ZNF536: variants seen among roughly 807,000 people sequenced by gnomAD.
ZNF536 encodes zinc finger protein 536.
ZNF536 carries 13 observed loss-of-function variants against 84.5 expected under a neutral mutation model. That is an observed-to-expected ratio of 0.15 (90% confidence interval 0.10 to 0.24). The LOEUF (loss-of-function observed/expected upper bound fraction) is 0.24. Among genes scored for constraint, ZNF536 ranks in the 10% least tolerant of loss-of-function variants. The pLI is 1.00. For missense variants in ZNF536, 1,536 were observed against 1,747.5 expected, an observed-to-expected ratio of 0.88 and a Z score of 2.16; for synonymous variants, 811 against 742.5, an observed-to-expected ratio of 1.09 and a Z score of -1.50.
chr19:30,495,055 C>T (rs1270877694), intron 2 of ZNF536, among the ~76,000 whole-genome samples: 1 of 150,938 alleles, frequency 6.6e-6, no homozygotes, highest in African/African-American at 2.4e-5. Flanking sequence ...AAAAGCCTAA[C>T]TGTGAGTTAG....
At chr19:30,504,560 C>T (rs1440512588) in intron 2 of ZNF536, among the ~76,000 whole-genome samples, 1 of 128,878 alleles carries the variant, frequency 7.8e-6, no homozygotes, top group Non-Finnish European at 1.6e-5. Flanking sequence ...CACCCTTCCT[C>T]CTTCCCTCTC....
chr19:30,282,893 T>G (rs2045501196), intron 1 of ZNF536, among the ~76,000 whole-genome samples: 1 of 152,162 alleles, frequency 6.6e-6, no homozygotes, highest in African/African-American at 2.4e-5. Context: ...AGGTTTTGCT[T>G]TATGTCTCAA....
At chr19:30,423,140 T>TCCAC (rs2051053902) in intron 1 of ZNF536, among the ~76,000 whole-genome samples, 1 of 143,436 alleles carries the variant, frequency 7.0e-6, no homozygotes, top group Non-Finnish European at 1.5e-5. Context: ...CATCCATCCA[T>TCCAC]CCATCCATCC....
Position 30,283,742 on chromosome 19 carries a change from G to GA in ZNF536, c.-189-330_-189-329insA, listed in dbSNP as rs1568303082. Among the ~76,000 whole-genome samples the GA allele has an allele frequency of 1.3e-3, 190 of 146,746 alleles. 2 individuals carry two copies. Among genetic ancestry groups the GA allele is most frequent in the African/African-American group, 4.3e-3 (173 of 40,046 alleles). Reference sequence around the variant, plus strand: ...CAGCGAGAGAGAAAGAGAGAGAGAGGGAGAGAGAGAGAGAGAGAGAGCCCT... The same window carrying GA: ...CAGCGAGAGAGAAAGAGAGAGAGAGGAGAGAGAGAGAGAGAGAGAGAGCCCT... On this transcript the variant is annotated intron_variant, in intron 1 of 5. Transcript: ENST00000585628.
chr19:30,321,275 G>A (rs769492029), intron 2 of ZNF536, among the ~76,000 whole-genome samples: 50 of 152,330 alleles, frequency 3.3e-4, no homozygotes, highest in Non-Finnish European at 5.6e-4. Flanking sequence ...TGGTAGAAAG[G>A]GGCCGGTGCG....
chr19:30,490,015 A>C (rs556288970), intron 2 of ZNF536, among the ~76,000 whole-genome samples: 2 of 152,216 alleles, frequency 1.3e-5, no homozygotes, highest in African/African-American at 2.4e-5. Flanking sequence ...CATGTGCTTC[A>C]AACCTACATG....
At chr19:30,700,213 C>CTTTCTTTCTTTCTTTCTTTCTTTCT (rs1452244836) in intron 1 of ZNF536, among the ~76,000 whole-genome samples, 1 of 102,676 alleles carries the variant, frequency 9.7e-6, no homozygotes, top group Admixed American at 1.0e-4. Context: ...TCTTTCTTTC[C>CTTTCTTTCTTTCTTTCTTTCTTTCT]TTCTTTCTTT....
chr19:30,274,496 C>T (rs776270198), intron 1 of ZNF536, among the ~76,000 whole-genome samples: 8 of 152,232 alleles, frequency 5.3e-5, no homozygotes, highest in African/African-American at 7.2e-5. Context: ...ACACTCACAG[C>T]GCATCTCAAT....
In ZNF536 at chr19:30,255,800, A is replaced by C. The variant is rs933653466; in HGVS notation, c.-190+27127A>C. 2.6e-5 allele frequency among the ~76,000 whole-genome samples: 4 copies of C among 152,252 alleles called. No individual in the cohort carries two copies. The East Asian group carries it at 7.7e-4, about 29-fold the overall frequency. ...TTGTAGGGTGCAGGTCTTCGTCTGC[A>C]TAGACCCCGTCATGGGAGAATATGT... On this transcript the variant is annotated intron_variant, in intron 1 of 5. Transcript: ENST00000585628.
At chr19:30,690,175 G>A (rs1473983773) in intron 1 of ZNF536, among the ~76,000 whole-genome samples, 1 of 152,158 alleles carries the variant, frequency 6.6e-6, no homozygotes, top group Non-Finnish European at 1.5e-5. Context: ...CTGGGCGCAC[G>A]GCTTTGTTAG....
chr19:30,705,628 A>T lies in ZNF536; in HGVS notation c.170-5129A>T, dbSNP rs533083326. On this transcript the variant is annotated intron_variant, in intron 1 of 1. Transcript: ENST00000592773. Reference sequence around the variant, plus strand: ...TCAAATATGAGGATAAACATGCAAAAATGTATGTGAAAAACTGTGGAATGA... The same window carrying T: ...TCAAATATGAGGATAAACATGCAAATATGTATGTGAAAAACTGTGGAATGA... Among the ~76,000 whole-genome samples the T allele has an allele frequency of 3.9e-5, 6 of 152,170 alleles. No individual in the cohort carries two copies. The South Asian group carries it at 1.2e-3, about 32-fold the overall frequency.
intron 1 of ZNF536, among the ~76,000 whole-genome samples, chr19:30,618,668 T>G (rs1263273272): frequency 6.6e-6 from 1 of 152,148 alleles, no homozygotes; most frequent in Non-Finnish European, 1.5e-5. Flanking sequence ...TATAGAAAAG[T>G]TGTTGCATTT....
intron 1 of ZNF536, among the ~76,000 whole-genome samples, chr19:30,706,485 C>CA (rs751277069): frequency 0.026 from 2,706 of 102,940 alleles, 50 homozygotes; most frequent in East Asian, 0.071. Context: ...AACTCTGTCT[C>CA]AAAAAAAAAA....
intron 2 of ZNF536, among the ~76,000 whole-genome samples, chr19:30,320,371 C>G (rs1600208474): frequency 6.6e-6 from 1 of 152,316 alleles, no homozygotes; most frequent in East Asian, 1.9e-4. Context: ...TCATTCTAGT[C>G]CATTTTAATC....
At chr19:30,583,987 G>A in intron 1 of ZNF536, among the ~76,000 whole-genome samples, 1 of 152,166 alleles carries the variant, frequency 6.6e-6, no homozygotes, top group Non-Finnish European at 1.5e-5. Flanking sequence ...CTCAGGGTGG[G>A]ATGCTACTGC....
At chr19:30,517,426 G>A (rs1321157815) in intron 2 of ZNF536, among the ~76,000 whole-genome samples, 1 of 152,090 alleles carries the variant, frequency 6.6e-6, no homozygotes, top group African/African-American at 2.4e-5. Context: ...GTGGGGAAGG[G>A]GCCCGGTGGG....
intron 2 of ZNF536, among the ~76,000 whole-genome samples, chr19:30,302,643 G>A (rs2046222080): frequency 6.6e-6 from 1 of 152,112 alleles, no homozygotes; most frequent in African/African-American, 2.4e-5. Flanking sequence ...GGCCAAGGGT[G>A]AGCCCACGAG....
chr19:30,397,053 C>T (rs531288971), intron 1 of ZNF536, among the ~76,000 whole-genome samples: 1 of 152,190 alleles, frequency 6.6e-6, no homozygotes, highest in East Asian at 1.9e-4. Context: ...TGGCTGCAAA[C>T]CTGGGCACTT....
At chr19:30,256,301 C>T (rs1175650500) in intron 1 of ZNF536, among the ~76,000 whole-genome samples, 1 of 152,180 alleles carries the variant, frequency 6.6e-6, no homozygotes, top group Non-Finnish European at 1.5e-5. Context: ...TATGCGATTC[C>T]TCATTTTTCC....
Sources: gnomAD v4.1 joint callset for allele counts (sites outside exome capture counted in the v4.1 genomes callset) on GRCh38, gnomAD v4.1.1 for gene constraint, MANE v1.5 for transcripts, NCBI Gene and HGNC (gene_info 2026-07-23, HGNC 2026-07-21) for gene names.